The following AVL9 variants were observed in gnomAD, a reference collection of about 807,000 sequenced individuals.
The protein encoded by AVL9 is late secretory pathway protein AVL9 homolog.
Under a neutral mutation model 79.2 loss-of-function variants are expected in AVL9, and 49 were observed. That is an observed-to-expected ratio of 0.62 (90% CI 0.49 to 0.79). The LOEUF (loss-of-function observed/expected upper bound fraction) is 0.79, where lower values mean the gene tolerates loss of function less well. AVL9 is among the 30% of genes least tolerant of loss of function. The pLI is 0.00. For missense variants in AVL9, 682 were observed against 776.8 expected (o/e 0.88, Z 1.45); for synonymous variants, 299 against 280.6 (o/e 1.07, Z -0.65).
rs1337900676 is a variant in AVL9 at position 32,586,765 on chromosome 7, C to G, written c.*2858C>G. Reference sequence around the variant, plus strand: ...GGCTTGCTGGTGGCTTCACCACTATCCAGGTGACTTAAAAGAGTGTTTGGA... The same window carrying G: ...GGCTTGCTGGTGGCTTCACCACTATGCAGGTGACTTAAAAGAGTGTTTGGA... On this transcript the variant is annotated 3_prime_UTR_variant, in exon 16 of 16. Transcript: ENST00000318709. 6.6e-6 allele frequency: 1 copy of G among 152,234 alleles called. No individual in the cohort carries two copies. Among genetic ancestry groups the G allele is most frequent in the Non-Finnish European group, 1.5e-5 (1 of 68,058 alleles). The allele number at this position is 152,234 out of a possible 1,614,324, so 9.4% of individuals were successfully genotyped here.
intron 1 of AVL9, among the ~76,000 whole-genome samples, chr7:32,506,860 T>G (rs542362195): frequency 6.6e-6 from 1 of 152,132 alleles, no homozygotes; most frequent in South Asian, 2.1e-4. Context: ...ATTTCTCAAC[T>G]TATTTTATGA....
chr7:32,546,474 CA>C (rs1402927749), intron 3 of AVL9, among the ~76,000 whole-genome samples: 1 of 152,136 alleles, frequency 6.6e-6, no homozygotes, highest in Admixed American at 6.5e-5. Context: ...TAATAACATA[CA>C]CCTTAAATGT....
intron 1 of AVL9, among the ~76,000 whole-genome samples, chr7:32,522,534 T>C (rs1046952481): frequency 1.3e-5 from 2 of 152,184 alleles, no homozygotes; most frequent in Non-Finnish European, 2.9e-5. Flanking sequence ...TGCACACCCA[T>C]TGTATCTAGG....
intron 3 of AVL9, among the ~76,000 whole-genome samples, chr7:32,545,364 CTTTTTTTTTTTTT>C (rs10610945): frequency 2.7e-5 from 2 of 73,352 alleles, no homozygotes; most frequent in Admixed American, 2.4e-4. Flanking sequence ...TCTAAGATTT[CTTTTTTTTTTTTT>C]TTTTTTTTTT....
intron 1 of AVL9, among the ~76,000 whole-genome samples, chr7:32,526,510 C>T (rs1229402298): frequency 2.0e-5 from 3 of 152,166 alleles, no homozygotes; most frequent in Non-Finnish European, 4.4e-5. Flanking sequence ...TGCACAGGGA[C>T]AGAGGGGCCC....
At chr7:32,523,797 G>A (rs1206258169) in intron 1 of AVL9, among the ~76,000 whole-genome samples, 5 of 145,132 alleles carry the variant, frequency 3.4e-5, no homozygotes, top group Middle Eastern at 3.8e-3. Flanking sequence ...GCAGTGGCAC[G>A]ATCTCGGCTC....
rs539337314 is a variant in AVL9 at position 32,523,892 on chromosome 7, C to T, written c.94-19249C>T. On this transcript the variant is annotated intron_variant, in intron 1 of 15. Transcript: ENST00000318709. ...GGGATTACAGGTGCCCACCACCACG[C>T]CCGGCTAATTTTTTGTATTTTTAGT... Among the ~76,000 whole-genome samples the T allele has an allele frequency of 2.0e-5, 3 of 151,976 alleles. No individual in the cohort carries two copies. The South Asian group carries it at 6.2e-4, about 32-fold the overall frequency.
Position 32,561,937 on chromosome 7 carries a change from C to T in AVL9, c.1215+2473C>T, listed in dbSNP as rs541371545. Among the ~76,000 whole-genome samples, 14 of 152,218 alleles carry T rather than the reference C, an allele frequency of 9.2e-5. No homozygotes were observed. The South Asian group carries it at 2.9e-3, about 32-fold the overall frequency. ...GGAGGCCTGAGGACAGGGGAAGAGACAGGAATGGCCAGTCAGTGGAGAAGT... is the reference window on the plus strand; with the variant it reads ...GGAGGCCTGAGGACAGGGGAAGAGATAGGAATGGCCAGTCAGTGGAGAAGT... On this transcript the variant is annotated intron_variant, in intron 10 of 15. Transcript: ENST00000318709.
rs563568463 is a variant in AVL9, at chr7:32,548,719, A to G, written c.301-128A>G. On this transcript the variant is annotated intron_variant, in intron 3 of 15. Transcript: ENST00000318709. ...TTCAGTATTTCCTGAGAGTCTTAAT[A>G]AAAAACTTTTTGAATTTAACTGAAT... is the stretch of plus-strand genomic sequence containing the variant. The G allele has an allele frequency of 2.9e-5, 18 of 611,952 alleles. No homozygotes were observed. The South Asian group carries it at 4.1e-4, about 14-fold the overall frequency. 37.9% of individuals were successfully genotyped at this position (611,952 alleles called of 1,614,324 possible). A position where few individuals can be genotyped will look rare whatever the true frequency, so the allele number is the denominator to read the frequency against.
chr7:32,577,218 C>G (rs1445433468), intron 13 of AVL9, among the ~76,000 whole-genome samples: 1 of 152,046 alleles, frequency 6.6e-6, no homozygotes, highest in Non-Finnish European at 1.5e-5. Context: ...GCCTATAGTC[C>G]CAGCTATTTG....
intron 1 of AVL9, among the ~76,000 whole-genome samples, chr7:32,516,028 A>T (rs1787889819): frequency 6.6e-6 from 1 of 152,202 alleles, no homozygotes; most frequent in South Asian, 2.1e-4. Context: ...AAACCCCTTA[A>T]AGAACACAGA....
At chr7:32,580,357 T>C (rs2128156803) in intron 14 of AVL9, 85 bp downstream of exon 14, 1 of 1,088,986 alleles carries the variant, frequency 9.2e-7, no homozygotes, top group East Asian at 2.4e-5. Flanking sequence ...ATTGTTTTTC[T>C]CTACTTGATA....
chr7:32,499,892 C>T (rs1787039280), intron 1 of AVL9, among the ~76,000 whole-genome samples: 1 of 152,004 alleles, frequency 6.6e-6, no homozygotes, highest in African/African-American at 2.4e-5. Context: ...TGATGGTTTC[C>T]AGCTTCATCC....
chr7:32,539,573 C>T (rs1789081029), intron 1 of AVL9, among the ~76,000 whole-genome samples: 1 of 152,184 alleles, frequency 6.6e-6, no homozygotes, highest in African/African-American at 2.4e-5. Context: ...GATGGAGTCA[C>T]TCTGGTTAGG....
At chr7:32,541,281 T>C (rs763047890) in intron 1 of AVL9, among the ~76,000 whole-genome samples, 1 of 152,134 alleles carries the variant, frequency 6.6e-6, no homozygotes, top group Admixed American at 6.5e-5. Context: ...ATCATGAGAA[T>C]TGGGGTACAT....
At position 32,512,909 on chromosome 7, in the gene AVL9, AC is replaced by A. The variant is rs201997371; in HGVS notation, c.93+17108del. On this transcript the variant is annotated intron_variant, in intron 1 of 15. Transcript: ENST00000318709. ...CCCAAATTTCTACCACATGTTTCAT[AC>A]TGACTCCTCTTGTTTCATACTAACT... Among the ~76,000 whole-genome samples the A allele has an allele frequency of 7.9e-3, 1,192 of 151,460 alleles. 11 individuals are homozygous for A. Among genetic ancestry groups the A allele is most frequent in the Non-Finnish European group, 0.013 (888 of 67,764 alleles).
chr7:32,551,673 A>G (rs1789833747), intron 5 of AVL9, among the ~76,000 whole-genome samples: 1 of 128,386 alleles, frequency 7.8e-6, no homozygotes, highest in South Asian at 2.5e-4. Flanking sequence ...TGTTTCTCTT[A>G]GTGGATAATA....
chr7:32,531,026 T>C (rs116781271), intron 1 of AVL9, among the ~76,000 whole-genome samples: 3,484 of 152,170 alleles, frequency 0.023, 142 homozygotes, highest in African/African-American at 0.078. Context: ...CCAGTTTGCC[T>C]TGGGGAGTAC....
chr7:32,549,953 G>GGAATGGCAAAAAAGAAAAT (rs1789734322), intron 4 of AVL9, among the ~76,000 whole-genome samples: 1 of 151,628 alleles, frequency 6.6e-6, no homozygotes, highest in Admixed American at 6.6e-5. Context: ...AAAAAGAAAA[G>GGAATGGCAAAAAAGAAAAT]GAATGGCTAT....
Sources: gnomAD v4.1 joint callset for allele counts (sites outside exome capture counted in the v4.1 genomes callset) on GRCh38, gnomAD v4.1.1 for gene constraint, MANE v1.5 for transcripts, NCBI Gene and HGNC (gene_info 2026-07-23, HGNC 2026-07-21) for gene names.